The following ABCA3 variants were observed in gnomAD, a reference collection of about 807,000 sequenced individuals.
The protein encoded by ABCA3 is phospholipid-transporting ATPase ABCA3.
A neutral mutation model predicts 172.8 loss-of-function variants in ABCA3; 88 were observed. The observed-to-expected ratio is 0.51, with a 90% confidence interval of 0.43 to 0.61. ABCA3 has a LOEUF of 0.61. Among genes scored for constraint, ABCA3 ranks in the 20% least tolerant of loss-of-function variants. The pLI is 0.00. For synonymous variants in ABCA3, 1,066 were observed against 983.8 expected (o/e 1.08, Z -1.56); for missense variants, 2,164 against 2,301.0 (o/e 0.94, Z 1.22).
At chr16:2,324,366 G>A (rs751708587) in intron 6 of ABCA3, 38 bp downstream of exon 6, 2 of 1,560,226 alleles carry the variant, frequency 1.3e-6, no homozygotes, top group African/African-American at 2.7e-5. Context: ...AGGCCTTGCT[G>A]ATGGGCTGTG....
At chr16:2,325,407 C>T (rs1349958173) in intron 5 of ABCA3, among the ~76,000 whole-genome samples, 1 of 152,180 alleles carries the variant, frequency 6.6e-6, no homozygotes, top group Non-Finnish European at 1.5e-5. Flanking sequence ...GGCGGCCAGC[C>T]CTGGTCCCAT....
chr16:2,295,485 G>T, intron 18 of ABCA3, 105 bp downstream of exon 18: 1 of 1,552,536 alleles, frequency 6.4e-7, no homozygotes, highest in Non-Finnish European at 8.8e-7. Flanking sequence ...CGACTGGCCA[G>T]GCCAGAGAGG....
chr16:2,297,725 A>G lies in ABCA3; in HGVS notation c.2052+41T>C. 1.2e-6 allele frequency: 2 copies of G among 1,605,196 alleles called. No individual in the cohort carries two copies. The highest frequency in any genetic ancestry group is 1.7e-6 in the Non-Finnish European group (2 of 1,179,888). ...ATGGCGGAAGGGCCATCCCAGGTCG[A>G]GCAGGAGGGGAACCCACTGCCTCCA... On this transcript the variant is annotated intron_variant, in intron 16 of 32. Transcript: ENST00000301732. The surrounding 1 kb of genome is among the most constrained non-coding windows in gnomAD (Gnocchi z 5.6).
chr16:2,310,419 CAAACAAAA>C (rs1490944080), intron 10 of ABCA3, among the ~76,000 whole-genome samples: 279 of 146,432 alleles, frequency 1.9e-3, no homozygotes, highest in African/African-American at 6.5e-3. Flanking sequence ...AACAAACAAA[CAAACAAAA>C]AAACAAACAA....
Position 2,286,749 on chromosome 16 carries a change from A to G in ABCA3, c.3223T>C (p.Ser1075Pro). 6.2e-7 allele frequency: 1 copy of G among 1,613,908 alleles called. No homozygotes were observed. The highest frequency in any genetic ancestry group is 8.5e-7 in the Non-Finnish European group (1 of 1,179,954). The change falls in exon 22 of 33, where the codon TCC (serine) becomes CCC (proline). Residue 1075 changes from serine to proline, a missense_variant. Around this residue, in one of 3 missense-constraint regions of ABCA3, gnomAD observed 795 missense variants for 881.9 expected, o/e 0.90. Transcript: ENST00000301732. This position sits in a 1 kb window ranked among gnomAD's most constrained non-coding sequence, Gnocchi z 5.2. The part of the protein sequence containing the change: ...LCGPHASIVV[S>P]NFPQPRSALQ... ...GCGCTCCGGGGCTGGGGGAAGTTGG[A>G]GACCACAATGGAGGCGTGAGGCCCG...
intron 10 of ABCA3, among the ~76,000 whole-genome samples, chr16:2,310,290 C>T (rs966894719): frequency 2.0e-5 from 3 of 151,810 alleles, no homozygotes; most frequent in Non-Finnish European, 4.4e-5. Flanking sequence ...CGCCTGTAGT[C>T]GCAGCTACTC....
intron 19 of ABCA3, among the ~76,000 whole-genome samples, chr16:2,291,607 T>C (rs941346480): frequency 5.3e-5 from 8 of 152,298 alleles, no homozygotes; most frequent in African/African-American, 1.4e-4. Flanking sequence ...CCCAAGGCAG[T>C]GCAGGCCCCT....
At chr16:2,318,912 G>A (rs1027979209) in intron 8 of ABCA3, among the ~76,000 whole-genome samples, 7 of 151,638 alleles carry the variant, frequency 4.6e-5, no homozygotes, top group Non-Finnish European at 8.8e-5. Context: ...ACCGTTTCAC[G>A]TTTTGCCCTA....
At position 2,286,816 on chromosome 16, in the gene ABCA3, A is replaced by G; in HGVS notation, c.3156T>C (p.Thr1052=). Residue 1052 remains threonine (T), a synonymous_variant, in exon 22 of 33, where the codon ACT becomes ACC. Transcript: ENST00000301732. This position sits in a 1 kb window ranked among gnomAD's most constrained non-coding sequence, Gnocchi z 5.2. ...FNNQAYHSPA[T]ALAVVDNLLF... ...GAAGGTTGTCCACGACGGCCAGGGC[A>G]GTGGCTGGAGAGTGGTACGCCTGGT... 1 of 1,614,162 alleles carries G rather than the reference A, an allele frequency of 6.2e-7. No individual in the cohort carries two copies.
At chr16:2,310,506 CTTTT>C (rs748170853) in intron 10 of ABCA3, among the ~76,000 whole-genome samples, 1 of 151,440 alleles carries the variant, frequency 6.6e-6, no homozygotes, top group Non-Finnish European at 1.5e-5. Context: ...GTTTTTCCAA[CTTTT>C]TTTTCTTTCT....
Position 2,304,010 on chromosome 16 carries a change from C to T in ABCA3, c.1426G>A (p.Gly476Arg). The change falls in exon 12 of 33, where the codon GGG becomes AGG. Residue 476 changes from glycine to arginine, a missense_variant. By Grantham distance (125) the Gly-to-Arg change is moderately radical. Transcript: ENST00000301732. ...VTWYMEAVFP[G>R]QFGVPQPWYF... Reference sequence around the variant, plus strand: ...CAGGGCTGAGGCACGCCGAACTGCCCTGGGAAGACGGCCTCCATGTACCAG... The same window carrying T: ...CAGGGCTGAGGCACGCCGAACTGCCTTGGGAAGACGGCCTCCATGTACCAG... The T allele has an allele frequency of 6.2e-7, 1 of 1,614,166 alleles. No homozygotes were observed. The highest frequency in any genetic ancestry group is 8.5e-7 in the Non-Finnish European group (1 of 1,180,026).
chr16:2,278,814 T>C lies in ABCA3; in HGVS notation c.4547+129A>G, dbSNP rs1039431864. 5.7e-6 allele frequency: 8 copies of C among 1,400,838 alleles called. No individual in the cohort carries two copies. The highest frequency in any genetic ancestry group is 8.0e-6 in the Non-Finnish European group (8 of 1,004,844). 86.8% of individuals were successfully genotyped at this position (1,400,838 alleles called of 1,614,324 possible). A position where few individuals can be genotyped will look rare whatever the true frequency, so the allele number is the denominator to read the frequency against. ...GAGCTACCTGGGTCACACCACCACA[T>C]CCCAGCTCCATCCTGGAGCCACAAG... On this transcript the variant is annotated intron_variant, in intron 29 of 32. Coordinates refer to ENST00000301732, the MANE Select transcript of ABCA3 (RefSeq NM_001089.3). The surrounding 1 kb of genome is among the most constrained non-coding windows in gnomAD (Gnocchi z 4.4).
chr16:2,324,667 C>A, intron 5 of ABCA3, 136 bp from the exon 6 acceptor site: 1 of 1,327,658 alleles, frequency 7.5e-7, no homozygotes, highest in Non-Finnish European at 1.0e-6. Context: ...AGACTCAAGG[C>A]AGCTTTCATC....
At chr16:2,282,413 G>A (rs1341810838) in intron 26 of ABCA3, among the ~76,000 whole-genome samples, 2 of 152,210 alleles carry the variant, frequency 1.3e-5, no homozygotes, top group Non-Finnish European at 2.9e-5. Context: ...ATTTTAACAC[G>A]TGGAGACAGT....
In ABCA3 at chr16:2,284,207, G is replaced by C; in HGVS notation, c.3862+72C>G. 1 of 1,531,270 alleles carries C rather than the reference G, an allele frequency of 6.5e-7. No homozygotes were observed. The highest frequency in any genetic ancestry group is 1.2e-5 in the South Asian group (1 of 80,856). 94.9% of individuals were successfully genotyped at this position (1,531,270 alleles called of 1,614,324 possible). On this transcript the variant is annotated intron_variant, in intron 25 of 32. Coordinates refer to ENST00000301732, the MANE Select transcript of ABCA3 (RefSeq NM_001089.3). The surrounding 1 kb of genome is among the most constrained non-coding windows in gnomAD (Gnocchi z 5.9). ...CAGACGCAGAGGAGCCCCTGCCCTA[G>C]GAGGCCCCTCTGCAGTGACCACGTC...
At chr16:2,299,644 C>A in intron 13 of ABCA3, 112 bp from the exon 14 acceptor site, 2 of 1,538,644 alleles carry the variant, frequency 1.3e-6, no homozygotes, top group East Asian at 2.2e-5. Context: ...CCTAGCGTCA[C>A]CATCAGTGTG....
rs1018141241 is a variant in ABCA3, at chr16:2,287,197, TAAG to T, written c.3005-233_3005-231del. On this transcript the variant is annotated intron_variant, in intron 21 of 32. Transcript: ENST00000301732. This position sits in a 1 kb window ranked among gnomAD's most constrained non-coding sequence, Gnocchi z 4.1. ...AGGAACCGGGAAAGGAGCTGCAAAA[TAAG>T]AAAACCTTCCAGTAGGTTCCATTAA... Among the ~76,000 whole-genome samples the T allele has an allele frequency of 2.6e-5, 4 of 152,030 alleles. No homozygotes were observed. Among genetic ancestry groups the T allele is most frequent in the African/African-American group, 9.7e-5 (4 of 41,406 alleles).
chr16:2,299,749 T>G (rs2093685994), intron 13 of ABCA3, among the ~76,000 whole-genome samples: 1 of 152,204 alleles, frequency 6.6e-6, no homozygotes, highest in African/African-American at 2.4e-5. Flanking sequence ...TCAGTGTCTC[T>G]GCAACCCTGG....
chr16:2,282,640 C>G (rs2141692227), intron 26 of ABCA3, among the ~76,000 whole-genome samples: 1 of 149,418 alleles, frequency 6.7e-6, no homozygotes, highest in East Asian at 2.0e-4. Context: ...CTCTGCTCAG[C>G]AGGACTGGGC....
Sources: gnomAD v4.1 joint callset for allele counts (sites outside exome capture counted in the v4.1 genomes callset) on GRCh38, gnomAD v4.1.1 for gene constraint, gnomAD v4.1.1 regional missense constraint, Gnocchi (gnomAD v3.1) non-coding constraint, MANE v1.5 for transcripts, NCBI Gene and HGNC (gene_info 2026-07-23, HGNC 2026-07-21) for gene names.